IQSEC1: variants seen among roughly 807,000 people sequenced by gnomAD.
IQSEC1 encodes IQ motif and SEC7 domain-containing protein 1.
A neutral mutation model predicts 91.0 loss-of-function variants in IQSEC1; 31 were observed. The ratio of observed to expected loss-of-function variants is 0.34; its 90% CI spans 0.26 to 0.46. IQSEC1 has a LOEUF of 0.46. IQSEC1 is among the 20% of genes least tolerant of loss of function. IQSEC1 has a pLI of 1.00. For missense variants in IQSEC1, 1,388 were observed against 1,575.6 expected, an observed-to-expected ratio of 0.88 and a Z score of 2.02; for synonymous variants, 699 against 662.6, an observed-to-expected ratio of 1.05 and a Z score of -0.84.
chr3:13,083,519 T>G (rs1288544903), intron 2 of IQSEC1, among the ~76,000 whole-genome samples: 1 of 152,256 alleles, frequency 6.6e-6, no homozygotes, highest in East Asian at 1.9e-4. Context: ...GCTGGATAAG[T>G]GTACCTGGGA....
At chr3:12,993,277 G>T (rs1354271370) in intron 1 of IQSEC1, among the ~76,000 whole-genome samples, 2 of 152,198 alleles carry the variant, frequency 1.3e-5, no homozygotes, top group Non-Finnish European at 2.9e-5. Flanking sequence ...GTCACACGGG[G>T]TTGGGAGGCA....
chr3:13,121,980 T>A (rs1360191688), intron 2 of IQSEC1, among the ~76,000 whole-genome samples: 1 of 152,218 alleles, frequency 6.6e-6, no homozygotes, highest in Non-Finnish European at 1.5e-5. Flanking sequence ...CTGAAATAGT[T>A]CAGGTCGGCC....
intron 2 of IQSEC1, among the ~76,000 whole-genome samples, chr3:12,937,799 G>A (rs1449137112): frequency 1.3e-5 from 2 of 152,198 alleles, no homozygotes; most frequent in East Asian, 3.9e-4. Flanking sequence ...TCTACAGATG[G>A]GCAAATTGTG....
rs543165061 is a variant in IQSEC1, at chr3:12,910,398, T to TG, written c.2417-965dup. ...ATGGTCCACAGTGGTCCTGGCCCCC[T>TG]GCTGGGAGCTTTGCTGCCAGGATCT... is the stretch of plus-strand genomic sequence containing the variant. On this transcript the variant is annotated intron_variant, in intron 10 of 13. Transcript: ENST00000613206. Among the ~76,000 whole-genome samples the TG allele has an allele frequency of 8.8e-3, 1,343 of 152,330 alleles. 16 individuals are homozygous for TG. Among genetic ancestry groups the TG allele is most frequent in the South Asian group, 0.023 (109 of 4,832 alleles).
At chr3:13,090,051 TA>T (rs1266961019) in intron 2 of IQSEC1, among the ~76,000 whole-genome samples, 7 of 133,692 alleles carry the variant, frequency 5.2e-5, no homozygotes, top group African/African-American at 1.9e-4. Flanking sequence ...CCGTCTCCAC[TA>T]AAAAATACAA....
chr3:12,995,559 A>G (rs1023362738), intron 1 of IQSEC1, among the ~76,000 whole-genome samples: 35 of 152,214 alleles, frequency 2.3e-4, no homozygotes, highest in Non-Finnish European at 8.8e-5. Flanking sequence ...ACAGCAGCTA[A>G]GGGGTGAGCT....
intron 1 of IQSEC1, among the ~76,000 whole-genome samples, chr3:13,235,296 G>A (rs997978266): frequency 1.4e-4 from 22 of 152,124 alleles, no homozygotes; most frequent in African/African-American, 5.1e-4. Context: ...CCTCCCCGGC[G>A]CTGGGGTCTG....
Position 12,899,251 on chromosome 3 carries a change from C to T in IQSEC1, c.*1732G>A. On this transcript the variant is annotated 3_prime_UTR_variant, in exon 14 of 14. Transcript: ENST00000613206. The stretch of plus-strand genomic sequence containing the variant: ...AGCCAGAGGGGGCTCCCCTCTCCTC[C>T]TGCCGTCCGGCCACGGCTCACCACG... The T allele has an allele frequency of 1.1e-6, 1 of 951,144 alleles. No individual in the cohort carries two copies. Among genetic ancestry groups the T allele is most frequent in the Non-Finnish European group, 1.6e-6 (1 of 636,454 alleles). The allele number at this position is 951,144 out of a possible 1,614,324, so 58.9% of individuals were successfully genotyped here. A position where few individuals can be genotyped will look rare whatever the true frequency, so the allele number is the denominator to read the frequency against.
intron 1 of IQSEC1, among the ~76,000 whole-genome samples, chr3:13,236,807 C>A (rs1559283417): frequency 6.6e-6 from 1 of 152,260 alleles, no homozygotes; most frequent in Non-Finnish European, 1.5e-5. Flanking sequence ...GCTGTCTGCA[C>A]TTGAGGCCTC....
intron 1 of IQSEC1, among the ~76,000 whole-genome samples, chr3:13,172,298 C>T (rs532114893): frequency 1.8e-4 from 27 of 152,182 alleles, no homozygotes; most frequent in South Asian, 6.2e-4. Context: ...GGTGTGGGAG[C>T]GGGGCCTGGC....
rs986762521 is a variant in IQSEC1 at position 12,900,082 on chromosome 3, A to T, written c.*901T>A. On this transcript the variant is annotated 3_prime_UTR_variant, in exon 14 of 14. Transcript: ENST00000613206. ...ACCAGCTGTCCTGAGTTGCTACTGT[A>T]GAGTGTACTGCAGTTTAGCTATTTG... 1.0e-6 allele frequency: 1 copy of T among 984,460 alleles called. No individual in the cohort carries two copies. The highest frequency in any genetic ancestry group is 1.7e-5 in the African/African-American group (1 of 57,222). The allele number at this position is 984,460 out of a possible 1,614,324, so 61.0% of individuals were successfully genotyped here.
intron 2 of IQSEC1, among the ~76,000 whole-genome samples, chr3:13,161,247 A>G (rs1707169731): frequency 6.6e-6 from 1 of 152,148 alleles, no homozygotes. Context: ...TGTGGCGTCC[A>G]GGGACCACCA....
At chr3:13,134,777 G>C (rs780478063) in intron 2 of IQSEC1, among the ~76,000 whole-genome samples, 2 of 152,196 alleles carry the variant, frequency 1.3e-5, no homozygotes, top group African/African-American at 2.4e-5. Flanking sequence ...GCTTGCAAGA[G>C]AGAAAATTCT....
intron 1 of IQSEC1, among the ~76,000 whole-genome samples, chr3:13,274,999 G>A (rs1300810989): frequency 2.0e-5 from 3 of 152,334 alleles, no homozygotes; most frequent in Non-Finnish European, 2.9e-5. Flanking sequence ...CAGCGTGGTG[G>A]TGAACTGCAC....
In IQSEC1 at chr3:12,899,890, T is replaced by TG. The variant is rs1022165776; in HGVS notation, c.*1092dup. 8 of 984,904 alleles carry TG rather than the reference T, an allele frequency of 8.1e-6. No homozygotes were observed. Among genetic ancestry groups the TG allele is most frequent in the Non-Finnish European group, 9.6e-6 (8 of 829,830 alleles). 61.0% of individuals were successfully genotyped at this position (984,904 alleles called of 1,614,324 possible). ...GAGCTGGTCACTTTCATGTTGGAGA[T>TG]GAACACTTCTGCCGTGTATGGGTGC... On this transcript the variant is annotated 3_prime_UTR_variant, in exon 14 of 14. Coordinates refer to ENST00000613206, the MANE Select transcript of IQSEC1 (RefSeq NM_001134382.3).
chr3:13,073,889 T>G (rs748303736), upstream of IQSEC1, among the ~76,000 whole-genome samples: 190 of 152,200 alleles, frequency 1.2e-3, no homozygotes, highest in Non-Finnish European at 2.6e-3. Context: ...ACCACGGGGT[T>G]CCAGGAGGGC....
intron 1 of IQSEC1, among the ~76,000 whole-genome samples, chr3:13,203,247 C>G (rs1213760464): frequency 6.6e-6 from 1 of 152,128 alleles, no homozygotes; most frequent in African/African-American, 2.4e-5. Context: ...ACACAACTCA[C>G]CCACACAGGC....
intron 1 of IQSEC1, among the ~76,000 whole-genome samples, chr3:13,013,102 C>G (rs952419154): frequency 6.6e-6 from 1 of 151,618 alleles, no homozygotes; most frequent in African/African-American, 2.4e-5. Flanking sequence ...CTGGGATTAC[C>G]GGCATGCGCC....
At chr3:13,091,756 G>A (rs549493135) in intron 2 of IQSEC1, among the ~76,000 whole-genome samples, 3 of 152,354 alleles carry the variant, frequency 2.0e-5, no homozygotes, top group South Asian at 4.1e-4. Context: ...ACTGAGAGGT[G>A]CCTGAAGCTC....
Sources: gnomAD v4.1 joint callset for allele counts (sites outside exome capture counted in the v4.1 genomes callset) on GRCh38, gnomAD v4.1.1 for gene constraint, MANE v1.5 for transcripts, NCBI Gene and HGNC (gene_info 2026-07-23, HGNC 2026-07-21) for gene names.